SRD5A2: variants seen among roughly 807,000 people sequenced by gnomAD.
The protein encoded by SRD5A2 is 3-oxo-5-alpha-steroid 4-dehydrogenase 2.
SRD5A2 carries 30 observed loss-of-function variants against 27.4 expected under a neutral mutation model. That is an observed-to-expected ratio of 1.10 (90% CI 0.82 to 1.49). SRD5A2 has a LOEUF of 1.49. Ranked by LOEUF, SRD5A2 falls within the 40% of genes most tolerant of loss-of-function variation. The pLI, the probability that SRD5A2 is intolerant of heterozygous loss-of-function variation, is 0.00. For missense variants in SRD5A2, 348 were observed against 323.4 expected (o/e 1.08, Z -0.58); for synonymous variants, 141 against 133.6 (o/e 1.06, Z -0.38).
At chr2:31,607,429 G>T in the SRD5A2 span, among the ~76,000 whole-genome samples, 6 of 151,826 alleles carry the variant, frequency 4.0e-5, no homozygotes, top group Non-Finnish European at 8.8e-5. Context: ...TACAGAAGCA[G>T]CATTCTGATC....
chr2:31,608,334 AC>A, the SRD5A2 span, among the ~76,000 whole-genome samples: 1 of 151,946 alleles, frequency 6.6e-6, no homozygotes, highest in Non-Finnish European at 1.5e-5. Flanking sequence ...TCTCTAAAGC[AC>A]CCCTATAAAA....
chr2:31,556,154 C>T (rs28383015), intron 1 of SRD5A2, among the ~76,000 whole-genome samples: 16 of 152,290 alleles, frequency 1.1e-4, no homozygotes, highest in African/African-American at 3.6e-4. Flanking sequence ...GAAGTAACTA[C>T]AAACATTGAC....
At chr2:31,607,753 G>A in the SRD5A2 span, among the ~76,000 whole-genome samples, 3 of 151,760 alleles carry the variant, frequency 2.0e-5, no homozygotes, top group African/African-American at 4.8e-5. Context: ...TTTTATTTTC[G>A]TCTTAAAATT....
chr2:31,571,609 G>A (rs1366847324), intron 1 of SRD5A2, among the ~76,000 whole-genome samples: 1 of 152,158 alleles, frequency 6.6e-6, no homozygotes, highest in Non-Finnish European at 1.5e-5. Context: ...AAAAATATCT[G>A]CAAACTGTGC....
intron 1 of SRD5A2, chr2:31,563,318 T>C (rs1338842706): frequency 6.6e-6 from 1 of 151,976 alleles, no homozygotes; most frequent in Admixed American, 6.6e-5. Context: ...CTAAAACCCA[T>C]TGGAGACACT....
chr2:31,567,433 G>GGTGTGTGTGT (rs557711508), intron 1 of SRD5A2, among the ~76,000 whole-genome samples: 210 of 145,546 alleles, frequency 1.4e-3, no homozygotes, highest in African/African-American at 3.8e-3. Context: ...GGTGCAATTT[G>GGTGTGTGTGT]GTGTGTGTGT....
chr2:31,577,812 C>T (rs1418295231), intron 1 of SRD5A2, among the ~76,000 whole-genome samples: 2 of 152,146 alleles, frequency 1.3e-5, no homozygotes, highest in Non-Finnish European at 2.9e-5. Context: ...TATCAAGACC[C>T]TAAAGAATGT....
chr2:31,660,200 G>A, the SRD5A2 span, among the ~76,000 whole-genome samples: 1 of 152,048 alleles, frequency 6.6e-6, no homozygotes, highest in African/African-American at 2.4e-5. Context: ...TAAAACCACT[G>A]AGACACCATT....
chr2:31,578,301 T>C (rs938025062), intron 1 of SRD5A2, among the ~76,000 whole-genome samples: 7 of 152,146 alleles, frequency 4.6e-5, no homozygotes, highest in African/African-American at 1.7e-4. Context: ...AAGAATGAGG[T>C]CGCATTTATC....
the SRD5A2 span, among the ~76,000 whole-genome samples, chr2:31,652,442 T>C: frequency 6.7e-6 from 1 of 150,028 alleles, no homozygotes; most frequent in African/African-American, 2.5e-5. Flanking sequence ...TTTTTTCTAA[T>C]CTAAAAAAAA....
chr2:31,607,151 C>T, the SRD5A2 span, among the ~76,000 whole-genome samples: 2 of 151,840 alleles, frequency 1.3e-5, no homozygotes, highest in Non-Finnish European at 2.9e-5. Context: ...CATCAGTTAT[C>T]TTATAGATGA....
chr2:31,570,968 T>G (rs1226078032), intron 1 of SRD5A2, among the ~76,000 whole-genome samples: 1 of 152,226 alleles, frequency 6.6e-6, no homozygotes, highest in Non-Finnish European at 1.5e-5. Flanking sequence ...ACAGATTAAA[T>G]GCTATTCCTA....
the SRD5A2 span, among the ~76,000 whole-genome samples, chr2:31,587,444 C>T: frequency 6.6e-6 from 1 of 152,144 alleles, no homozygotes; most frequent in Non-Finnish European, 1.5e-5. Context: ...ACTATAAAGA[C>T]ACATGCACAC....
At position 31,525,337 on chromosome 2, in the gene SRD5A2, A is replaced by G. The variant is rs1665753444; in HGVS notation, c.*859T>C. On this transcript the variant is annotated 3_prime_UTR_variant, in exon 5 of 5. Coordinates refer to ENST00000622030, the MANE Select transcript of SRD5A2 (RefSeq NM_000348.4). ...TTGTTTTACACTACTCATTATTTGG[A>G]TATTGCCACTAGTTTCCAAAAACAT... 4.4e-6 allele frequency: 1 copy of G among 226,286 alleles called. No individual in the cohort carries two copies. 14.0% of individuals were successfully genotyped at this position (226,286 alleles called of 1,614,324 possible).
chr2:31,540,205 T>C (rs2148071296), intron 1 of SRD5A2, among the ~76,000 whole-genome samples: 1 of 151,752 alleles, frequency 6.6e-6, no homozygotes, highest in Non-Finnish European at 1.5e-5. Flanking sequence ...AATCTAAGGA[T>C]AAATCAAAAT....
In SRD5A2 at chr2:31,525,524, A is replaced by T. The variant is rs75984166; in HGVS notation, c.*672T>A. 1.1e-3 allele frequency: 245 copies of T among 225,260 alleles called. 1 individual carries two copies. The highest frequency in any genetic ancestry group is 5.3e-3 in the African/African-American group (237 of 44,918). The allele number at this position is 225,260 out of a possible 1,614,324, so 14.0% of individuals were successfully genotyped here. A position where few individuals can be genotyped will look rare whatever the true frequency, so the allele number is the denominator to read the frequency against. On this transcript the variant is annotated 3_prime_UTR_variant, in exon 5 of 5. Transcript: ENST00000622030. ...GAATAGCCATACCAGTTTTCCGGGG[A>T]TTGTGAAATCTTCTGGAAAACAGAG...
chr2:31,546,161 T>C (rs941576924), intron 1 of SRD5A2, among the ~76,000 whole-genome samples: 1 of 149,456 alleles, frequency 6.7e-6, no homozygotes, highest in African/African-American at 2.5e-5. Flanking sequence ...ACAATCCCTA[T>C]CAAAATTCCA....
chr2:31,655,618 T>C, the SRD5A2 span, among the ~76,000 whole-genome samples: 1 of 152,162 alleles, frequency 6.6e-6, no homozygotes, highest in African/African-American at 2.4e-5. Flanking sequence ...GAGCACTGCC[T>C]CTTGCCCTGA....
At chr2:31,584,943 A>G (rs1334732270), upstream of SRD5A2, among the ~76,000 whole-genome samples, 2 of 152,214 alleles carry the variant, frequency 1.3e-5, no homozygotes, top group Non-Finnish European at 2.9e-5. Context: ...CCACCCCTCC[A>G]TCACACCCTG....
Sources: gnomAD v4.1 joint callset for allele counts (sites outside exome capture counted in the v4.1 genomes callset) on GRCh38, gnomAD v4.1.1 for gene constraint, MANE v1.5 for transcripts, NCBI Gene and HGNC (gene_info 2026-07-23, HGNC 2026-07-21) for gene names.